Variants in KLHL6 observed in about 807,000 individuals in gnomAD.
The protein encoded by KLHL6 is kelch-like protein 6.
Under a neutral mutation model 58.6 loss-of-function variants are expected in KLHL6, and 41 were observed. The observed-to-expected ratio is 0.70, with a 90% confidence interval of 0.55 to 0.91. The LOEUF (loss-of-function observed/expected upper bound fraction) is 0.91. Among genes scored for constraint, KLHL6 ranks in the 40% least tolerant of loss-of-function variants. KLHL6 has a pLI of 0.00. For missense variants in KLHL6, 714 were observed against 805.6 expected (o/e 0.89, Z 1.38); for synonymous variants, 338 against 322.7 (o/e 1.05, Z -0.51).
At position 183,508,278 on chromosome 3, in the gene KLHL6, G is replaced by T. The variant is rs750540937; in HGVS notation, c.690C>A (p.Thr230=). The T allele has an allele frequency of 6.8e-6, 11 of 1,614,014 alleles. No homozygotes were observed. The highest frequency in any genetic ancestry group is 3.3e-5 in the Admixed American group (2 of 59,986). The change falls in exon 3 of 7, where the codon ACC becomes ACA. Residue 230 remains threonine, a synonymous_variant. Transcript: ENST00000341319. ...HILKSDDLYV[T]EEAQVFETVM... is the part of the protein sequence containing the mutation. ...CGGTCTCAAACACCTGAGCCTCCTC[G>T]GTCACGTAAAGGTCATCACTCTTCA... is the stretch of plus-strand genomic sequence containing the variant.
intron 1 of KLHL6, chr3:183,552,283 T>C (rs1187037862): frequency 6.6e-6 from 1 of 152,244 alleles, no homozygotes; most frequent in Non-Finnish European, 1.5e-5. Context: ...AGTCCAGATG[T>C]CTGTCCGTAG....
intron 1 of KLHL6, among the ~76,000 whole-genome samples, chr3:183,529,523 T>C (rs567676451): frequency 2.6e-5 from 4 of 152,088 alleles, no homozygotes; most frequent in Non-Finnish European, 5.9e-5. Flanking sequence ...ACCTAAAATA[T>C]AGCAAGAATG....
At position 183,509,990 on chromosome 3, in the gene KLHL6, T is replaced by G. The variant is rs868391085; in HGVS notation, c.460-1482A>C. Among the ~76,000 whole-genome samples, 3 of 152,230 alleles carry G rather than the reference T, an allele frequency of 2.0e-5. No homozygotes were observed. In the South Asian group the frequency reaches 6.2e-4, roughly 32 times the overall value. ...AAAATCAATTTGTAAAATTATTGAT[T>G]GGCTCTCAGGTCCCACTTTTAAGTT... is the stretch of plus-strand genomic sequence containing the variant. On this transcript the variant is annotated intron_variant, in intron 2 of 6. Coordinates refer to ENST00000341319, the MANE Select transcript of KLHL6 (RefSeq NM_130446.4).
Position 183,492,609 on chromosome 3 carries a change from T to C in KLHL6, c.1449A>G (p.Thr483=). Residue 483 remains threonine (T), a synonymous_variant, in exon 6 of 7, where the codon ACA becomes ACG. Transcript: ENST00000341319. This position sits in a 1 kb window ranked among gnomAD's most constrained non-coding sequence, Gnocchi z 5.9. The part of the protein sequence containing the change: ...IGGGPNGKLA[T]DKTQCYDPST... ...AAGGGTCATAACACTGAGTCTTGTC[T>C]GTGGCCAGTTTCCCATTGGGCCCTC... 6.2e-7 allele frequency: 1 copy of C among 1,614,244 alleles called. No homozygotes were observed. Among genetic ancestry groups the C allele is most frequent in the Non-Finnish European group, 8.5e-7 (1 of 1,180,048 alleles).
At position 183,492,372 on chromosome 3, in the gene KLHL6, G is replaced by A. The variant is rs2108662318; in HGVS notation, c.1564+122C>T. ...CGATTGATGGCTCTCCTGAAAGCCA[G>A]AGTGGGTCCTAGGGGCAGTGAGTTG... is the stretch of plus-strand genomic sequence containing the variant. On this transcript the variant is annotated intron_variant, in intron 6 of 6. Transcript: ENST00000341319. The surrounding 1 kb of genome is among the most constrained non-coding windows in gnomAD (Gnocchi z 5.9). 1.5e-6 allele frequency: 2 copies of A among 1,303,636 alleles called. No homozygotes were observed. The highest frequency in any genetic ancestry group is 2.8e-5 in the South Asian group (2 of 70,954). 80.8% of individuals were successfully genotyped at this position (1,303,636 alleles called of 1,614,324 possible).
chr3:183,506,790 T>A (rs750261052), intron 3 of KLHL6, among the ~76,000 whole-genome samples: 1 of 151,836 alleles, frequency 6.6e-6, no homozygotes, highest in African/African-American at 2.4e-5. Context: ...ATTGCACCAC[T>A]GTACTCCAGC....
chr3:183,510,267 G>A (rs919540413), intron 2 of KLHL6, among the ~76,000 whole-genome samples: 2 of 151,368 alleles, frequency 1.3e-5, no homozygotes, highest in African/African-American at 2.4e-5. Context: ...TCGATTAATG[G>A]GGGGAGAGGA....
chr3:183,517,318 C>T (rs1364924269), intron 2 of KLHL6, among the ~76,000 whole-genome samples: 1 of 152,184 alleles, frequency 6.6e-6, no homozygotes, highest in Non-Finnish European at 1.5e-5. Context: ...GGTCTTCATG[C>T]TAAAAATTTG....
intron 1 of KLHL6, among the ~76,000 whole-genome samples, chr3:183,530,807 G>A (rs1577195986): frequency 1.3e-5 from 2 of 151,056 alleles, no homozygotes; most frequent in East Asian, 3.9e-4. Context: ...AAAAAACAAT[G>A]AGGTACTCAG....
intron 1 of KLHL6, among the ~76,000 whole-genome samples, chr3:183,555,009 A>G (rs1027512765): frequency 6.6e-6 from 1 of 152,128 alleles, no homozygotes. Context: ...TATTGAAAAT[A>G]CAAAATTATC....
intron 1 of KLHL6, among the ~76,000 whole-genome samples, chr3:183,542,751 T>C (rs993105850): frequency 3.3e-5 from 5 of 152,188 alleles, no homozygotes; most frequent in African/African-American, 1.2e-4. Context: ...CCTAACTAGA[T>C]GATGATTTCC....
intron 2 of KLHL6, chr3:183,522,920 A>G: frequency 6.6e-6 from 1 of 152,008 alleles, no homozygotes; most frequent in Admixed American, 6.6e-5. Context: ...GGTTCAATCG[A>G]TTCCCTTCTG....
chr3:183,511,348 G>A (rs761348650), intron 2 of KLHL6, among the ~76,000 whole-genome samples: 7 of 152,220 alleles, frequency 4.6e-5, no homozygotes, highest in South Asian at 2.1e-4. Flanking sequence ...GCCACAGGGC[G>A]GTTTTTCTCC....
chr3:183,551,379 T>C (rs1712910412), intron 1 of KLHL6, among the ~76,000 whole-genome samples: 1 of 152,154 alleles, frequency 6.6e-6, no homozygotes, highest in Non-Finnish European at 1.5e-5. Flanking sequence ...GGTAGATTGT[T>C]TGATGCATTG....
At chr3:183,526,522 T>C (rs1973738) in intron 2 of KLHL6, among the ~76,000 whole-genome samples, 75,420 of 152,016 alleles carry the variant, frequency 0.5, 19,630 homozygotes, top group Non-Finnish European at 0.58. Context: ...TTCTTAAGAA[T>C]TGACACTTAT....
intron 4 of KLHL6, among the ~76,000 whole-genome samples, chr3:183,495,819 A>G (rs967510980): frequency 1.3e-5 from 2 of 152,198 alleles, no homozygotes; most frequent in Non-Finnish European, 2.9e-5. Context: ...AAAATATACT[A>G]TAAAGCTATC....
At chr3:183,523,694 T>A (rs1711848029) in intron 2 of KLHL6, among the ~76,000 whole-genome samples, 1 of 38,060 alleles carries the variant, frequency 2.6e-5, no homozygotes, top group African/African-American at 1.3e-4. Flanking sequence ...TCCCATGAGT[T>A]GTTGTTTGTT....
chr3:183,506,150 A>G (rs1717994417), intron 3 of KLHL6, among the ~76,000 whole-genome samples: 1 of 152,190 alleles, frequency 6.6e-6, no homozygotes, highest in Non-Finnish European at 1.5e-5. Context: ...AGTGAGATAT[A>G]TGTATGGGTG....
At chr3:183,507,988 G>C in intron 3 of KLHL6, 71 bp downstream of exon 3, 11 of 1,352,342 alleles carry the variant, frequency 8.1e-6, no homozygotes, top group Non-Finnish European at 1.1e-5. Context: ...CGCTTTGCTT[G>C]CATCTCTGTG....
Sources: allele counts gnomAD v4.1 joint callset (sites outside exome capture counted in the v4.1 genomes callset), GRCh38; gene constraint gnomAD v4.1.1; non-coding constraint Gnocchi (gnomAD v3.1); transcripts MANE v1.5; gene names NCBI Gene and HGNC (gene_info 2026-07-23, HGNC 2026-07-21).